IGFL2: variants seen among roughly 807,000 people sequenced by gnomAD.
IGFL2 encodes the protein insulin growth factor-like family member 2.
Under a neutral mutation model 13.9 loss-of-function variants are expected in IGFL2, and 7 were observed. That is an observed-to-expected ratio of 0.51 (90% CI 0.29 to 0.95). IGFL2 has a LOEUF of 0.95. IGFL2 is among the 40% of genes least tolerant of loss of function. The pLI, the probability that IGFL2 is intolerant of heterozygous loss-of-function variation, is 0.08. For missense variants in IGFL2, 138 were observed against 147.8 expected, an observed-to-expected ratio of 0.93 and a Z score of 0.34; for synonymous variants, 55 against 55.8, an observed-to-expected ratio of 0.99 and a Z score of 0.07.
At chr19:46,139,362 G>A (rs1166883149), upstream of IGFL2, among the ~76,000 whole-genome samples, 1 of 149,668 alleles carries the variant, frequency 6.7e-6, no homozygotes, top group East Asian at 1.9e-4. Flanking sequence ...TTTTAAAAAC[G>A]AAATCATTCA....
intron 1 of IGFL2, among the ~76,000 whole-genome samples, chr19:46,150,292 TAA>T (rs1199021402): frequency 1.3e-5 from 2 of 152,246 alleles, no homozygotes; most frequent in East Asian, 1.9e-4. Flanking sequence ...ATCATATATA[TAA>T]TTTGCAAATA....
At chr19:46,165,527 G>A (rs151225188), downstream of IGFL2, among the ~76,000 whole-genome samples, 11 of 152,080 alleles carry the variant, frequency 7.2e-5, no homozygotes, top group East Asian at 2.1e-3. Context: ...AACTAGCACA[G>A]GGAGCACATT....
At chr19:46,151,285 A>G (rs1390893923) in intron 1 of IGFL2, among the ~76,000 whole-genome samples, 1 of 152,182 alleles carries the variant, frequency 6.6e-6, no homozygotes, top group Admixed American at 6.5e-5. Flanking sequence ...TATGAGGAAG[A>G]GATCCTCTTT....
chr19:46,162,240 A>G (rs770905496), downstream of IGFL2, among the ~76,000 whole-genome samples: 3 of 152,076 alleles, frequency 2.0e-5, no homozygotes, highest in South Asian at 2.1e-4. Context: ...TTTCATTTCA[A>G]CCTTGGAAAA....
upstream of IGFL2, among the ~76,000 whole-genome samples, chr19:46,144,919 G>A (rs552324984): frequency 5.3e-5 from 8 of 152,256 alleles, no homozygotes; most frequent in Admixed American, 1.3e-4. Context: ...CTGACACGGT[G>A]CCTTTGAGAT....
At chr19:46,171,354 A>C in the IGFL2 span, among the ~76,000 whole-genome samples, 2 of 152,228 alleles carry the variant, frequency 1.3e-5, no homozygotes, top group African/African-American at 2.4e-5. Context: ...GCTATTCAAG[A>C]CGAGATTATG....
chr19:46,087,113 G>A, the IGFL2 span, among the ~76,000 whole-genome samples: 1 of 152,152 alleles, frequency 6.6e-6, no homozygotes, highest in African/African-American at 2.4e-5. Flanking sequence ...CCTCCAGGTC[G>A]CTTGATCAGG....
At chr19:46,117,591 A>G in the IGFL2 span, among the ~76,000 whole-genome samples, 1 of 152,118 alleles carries the variant, frequency 6.6e-6, no homozygotes, top group African/African-American at 2.4e-5. Flanking sequence ...GGATCCTCCC[A>G]CGTCAGCCTC....
chr19:46,162,371 A>T (rs1446908784), downstream of IGFL2, among the ~76,000 whole-genome samples: 1 of 152,234 alleles, frequency 6.6e-6, no homozygotes, highest in Non-Finnish European at 1.5e-5. Flanking sequence ...CATGGACAAT[A>T]TCCTGAAGTA....
upstream of IGFL2, among the ~76,000 whole-genome samples, chr19:46,144,548 C>T (rs955409332): frequency 1.5e-4 from 23 of 151,900 alleles, no homozygotes; most frequent in Admixed American, 6.6e-4. Flanking sequence ...AAAATTAAAC[C>T]CCTTATTTTG....
chr19:46,120,368 G>A, the IGFL2 span: 10 of 1,610,684 alleles, frequency 6.2e-6, no homozygotes, highest in South Asian at 1.1e-4. Flanking sequence ...CTATCACAGT[G>A]CCCCAAATCA....
At chr19:46,141,209 A>G (rs749694640), upstream of IGFL2, among the ~76,000 whole-genome samples, 53 of 152,210 alleles carry the variant, frequency 3.5e-4, no homozygotes, top group Non-Finnish European at 4.9e-4. Context: ...AGAACAGTCA[A>G]TGCCTCACTG....
chr19:46,193,117 G>A, the IGFL2 span, among the ~76,000 whole-genome samples: 19 of 152,240 alleles, frequency 1.2e-4, no homozygotes, highest in South Asian at 1.9e-3. Flanking sequence ...ACTTGAACCC[G>A]AGAGGTGGAA....
the IGFL2 span, among the ~76,000 whole-genome samples, chr19:46,171,237 C>T: frequency 0.033 from 5,062 of 152,198 alleles, 124 homozygotes; most frequent in East Asian, 0.071. Context: ...AAAGAACCTA[C>T]GTTGAATTAT....
chr19:46,098,386 T>C, the IGFL2 span, among the ~76,000 whole-genome samples: 5 of 152,102 alleles, frequency 3.3e-5, no homozygotes, highest in Admixed American at 3.3e-4. Context: ...ATTTTGAGCC[T>C]ATGTGTATCA....
chr19:46,114,627 A>G, the IGFL2 span, among the ~76,000 whole-genome samples: 4 of 152,040 alleles, frequency 2.6e-5, no homozygotes, highest in Non-Finnish European at 4.4e-5. Context: ...CGTGATAGTG[A>G]GTGAGTTCTC....
At chr19:46,112,982 T>C in the IGFL2 span, 3 of 152,254 alleles carry the variant, frequency 2.0e-5, no homozygotes, top group African/African-American at 7.2e-5. Flanking sequence ...AATGGAATTT[T>C]CTTGGAGAAA....
chr19:46,191,720 A>G, the IGFL2 span, among the ~76,000 whole-genome samples: 12 of 152,102 alleles, frequency 7.9e-5, 1 homozygote, highest in Admixed American at 7.9e-4. Context: ...TATGCTGGGA[A>G]GCAGAAATGA....
chr19:46,203,592 G>A, the IGFL2 span: 3 of 152,396 alleles, frequency 2.0e-5, no homozygotes, highest in African/African-American at 7.2e-5. Flanking sequence ...CTTGAAGTGT[G>A]CAGATGGAAC....
Sources: gnomAD v4.1 joint callset for allele counts (sites outside exome capture counted in the v4.1 genomes callset) on GRCh38, gnomAD v4.1.1 for gene constraint, MANE v1.5 for transcripts, NCBI Gene and HGNC (gene_info 2026-07-23, HGNC 2026-07-21) for gene names.